The following DPP6 variants were observed in gnomAD, a reference collection of about 807,000 sequenced individuals.
The protein encoded by DPP6 is dipeptidyl peptidase like 6, also known as A-type potassium channel modulatory protein DPP6.
A neutral mutation model predicts 122.6 loss-of-function variants in DPP6; 69 were observed. The ratio of observed to expected loss-of-function variants is 0.56; its 90% CI spans 0.46 to 0.69. DPP6 has a LOEUF of 0.69. DPP6 is among the 30% of genes least tolerant of loss of function. DPP6 has a pLI of 0.00. For synonymous variants in DPP6, 418 were observed against 433.1 expected (o/e 0.97, Z 0.43); for missense variants, 928 against 1,116.9 (o/e 0.83, Z 2.41).
At chr7:154,465,675 T>A in intron 2 of DPP6, among the ~76,000 whole-genome samples, 1 of 152,204 alleles carries the variant, frequency 6.6e-6, no homozygotes, top group East Asian at 1.9e-4. Context: ...TCACTGCAGT[T>A]AGAATGATGA....
Position 154,061,763 on chromosome 7 carries a change from C to G in DPP6, c.243+8700C>G, listed in dbSNP as rs190031193. Among the ~76,000 whole-genome samples, 5 of 79,144 alleles carry G rather than the reference C, an allele frequency of 6.3e-5. 1 individual carries two copies. The highest frequency in any genetic ancestry group is 9.3e-5 in the African/African-American group (2 of 21,486). 51.9% of individuals were successfully genotyped at this position (79,144 alleles called of 152,430 possible). On this transcript the variant is annotated intron_variant, in intron 1 of 25. Transcript: ENST00000377770. ...CCCCCTTTCCTCCCCTGGCTCTTTGCACCCCCATCGCAGGGAGGGAGGCAC... is the reference window on the plus strand; with the variant it reads ...CCCCCTTTCCTCCCCTGGCTCTTTGGACCCCCATCGCAGGGAGGGAGGCAC...
intron 25 of DPP6, among the ~76,000 whole-genome samples, chr7:154,891,917 G>A (rs1455643496): frequency 1.3e-5 from 2 of 152,154 alleles, no homozygotes; most frequent in African/African-American, 4.8e-5. Context: ...TTGGGCTGCG[G>A]CTCTGTAGTC....
chr7:153,814,821 T>C, the DPP6 span, among the ~76,000 whole-genome samples: 2 of 151,796 alleles, frequency 1.3e-5, no homozygotes, highest in South Asian at 2.1e-4. Flanking sequence ...AATCAATAAA[T>C]GTAATCCAGC....
Position 154,545,497 on chromosome 7 carries a change from ATCCTTCCTTCCT to A in DPP6, c.552+4889_552+4900del, listed in dbSNP as rs34668667. On this transcript the variant is annotated intron_variant, in intron 4 of 25. Coordinates refer to ENST00000377770, the MANE Select transcript of DPP6 (RefSeq NM_130797.4). ...CTTCCTTCCTTCCTTCCTTCCTTCCATCCTTCCTTCCTTCCTTCCTTCCTTCCTTGTAGAAAT... is the reference window on the plus strand; with the variant it reads ...CTTCCTTCCTTCCTTCCTTCCTTCCATCCTTCCTTCCTTCCTTGTAGAAAT... Among the ~76,000 whole-genome samples, 8 of 122,034 alleles carry A rather than the reference ATCCTTCCTTCCT, an allele frequency of 6.6e-5. 1 individual carries two copies. Among genetic ancestry groups the A allele is most frequent in the Admixed American group, 2.8e-4 (3 of 10,544 alleles). The allele number at this position is 122,034 out of a possible 152,430, so 80.1% of individuals were successfully genotyped here.
chr7:154,371,378 CAAAAAAAAAAAAAAA>C (rs1167770083), intron 1 of DPP6, among the ~76,000 whole-genome samples: 3 of 47,704 alleles, frequency 6.3e-5, no homozygotes, highest in Non-Finnish European at 6.6e-5. Context: ...AACTCTGTCT[CAAAAAAAAAAAAAAA>C]AAAAAAAAAA....
intron 13 of DPP6, 140 bp downstream of exon 13, chr7:154,801,602 C>A: frequency 1.6e-6 from 2 of 1,254,184 alleles, no homozygotes; most frequent in Non-Finnish European, 1.1e-6. Context: ...CAGGGCAGGG[C>A]ATGGCGCTGG....
chr7:154,440,028 G>C (rs1489348175), intron 1 of DPP6, among the ~76,000 whole-genome samples: 1 of 152,192 alleles, frequency 6.6e-6, no homozygotes, highest in Non-Finnish European at 1.5e-5. Context: ...CCGCAGGTTT[G>C]TGTCTGGATG....
chr7:154,671,544 C>T (rs1260585024), intron 7 of DPP6, among the ~76,000 whole-genome samples: 9 of 152,204 alleles, frequency 5.9e-5, no homozygotes, highest in South Asian at 2.1e-4. Flanking sequence ...AACCGGGTCC[C>T]GTAGTAGAGT....
chr7:154,540,674 C>A (rs1436586047), intron 4 of DPP6, 48 bp downstream of exon 4: 2 of 1,172,084 alleles, frequency 1.7e-6, no homozygotes, highest in South Asian at 1.5e-5. Context: ...TTTCTTCCTG[C>A]AAGTCAATAA....
chr7:153,879,508 G>C, the DPP6 span, among the ~76,000 whole-genome samples: 2 of 152,104 alleles, frequency 1.3e-5, no homozygotes, highest in Non-Finnish European at 1.5e-5. Flanking sequence ...TCCTGTCTCA[G>C]CCTCCCGAGT....
chr7:153,806,737 T>C, the DPP6 span, among the ~76,000 whole-genome samples: 1 of 152,026 alleles, frequency 6.6e-6, no homozygotes, highest in Non-Finnish European at 1.5e-5. Flanking sequence ...GAAAGTGTTG[T>C]ATATTGATGC....
At chr7:154,446,779 A>T (rs1263034608) in intron 2 of DPP6, among the ~76,000 whole-genome samples, 1 of 152,246 alleles carries the variant, frequency 6.6e-6, no homozygotes, top group African/African-American at 2.4e-5. Flanking sequence ...TCTCTCAGGA[A>T]AGAAAAGACA....
intron 5 of DPP6, among the ~76,000 whole-genome samples, chr7:154,582,105 CA>C (rs1198496861): frequency 6.6e-6 from 1 of 152,184 alleles, no homozygotes; most frequent in Non-Finnish European, 1.5e-5. Flanking sequence ...TGCTACTTCC[CA>C]AAGGGACCAG....
At chr7:154,366,882 C>T (rs1812235472) in intron 1 of DPP6, among the ~76,000 whole-genome samples, 1 of 152,154 alleles carries the variant, frequency 6.6e-6, no homozygotes, top group Admixed American at 6.5e-5. Context: ...TCAGAACTGT[C>T]TTTAGTAATA....
intron 7 of DPP6, among the ~76,000 whole-genome samples, chr7:154,679,603 A>C (rs1411748287): frequency 6.6e-6 from 1 of 152,196 alleles, no homozygotes; most frequent in Non-Finnish European, 1.5e-5. Context: ...GAAGTGGACA[A>C]ATCCAGCGAG....
chr7:153,995,176 G>A (rs1472668212), intron 1 of DPP6, among the ~76,000 whole-genome samples: 1 of 152,194 alleles, frequency 6.6e-6, no homozygotes, highest in African/African-American at 2.4e-5. Context: ...CCATGGCAAG[G>A]AGGGAAAGCC....
intron 3 of DPP6, among the ~76,000 whole-genome samples, chr7:154,521,924 A>G (rs2129977613): frequency 6.6e-6 from 1 of 152,184 alleles, no homozygotes; most frequent in South Asian, 2.1e-4. Flanking sequence ...ACCTGGTTGC[A>G]TTCTTGAAAG....
intron 10 of DPP6, among the ~76,000 whole-genome samples, chr7:154,773,788 T>C (rs970434113): frequency 2.0e-5 from 3 of 152,192 alleles, no homozygotes; most frequent in African/African-American, 7.2e-5. Flanking sequence ...AAGCTCCATA[T>C]TACTAGTAGC....
At chr7:154,627,069 G>A (rs1278879546) in intron 5 of DPP6, among the ~76,000 whole-genome samples, 1 of 115,262 alleles carries the variant, frequency 8.7e-6, no homozygotes, top group African/African-American at 3.4e-5. Context: ...CTGGAGTTCA[G>A]TGGCTCAATC....
Sources: allele counts gnomAD v4.1 joint callset (sites outside exome capture counted in the v4.1 genomes callset), GRCh38; gene constraint gnomAD v4.1.1; transcripts MANE v1.5; gene names NCBI Gene and HGNC (gene_info 2026-07-23, HGNC 2026-07-21).